MYCBPAP: variants seen among roughly 807,000 people sequenced by gnomAD.
MYCBPAP encodes the protein MYCBP-associated protein.
In MYCBPAP, 60 loss-of-function variants were observed where a neutral mutation model predicts 106.1. The observed-to-expected ratio is 0.57, with a 90% CI of 0.46 to 0.70. The LOEUF (loss-of-function observed/expected upper bound fraction) is 0.70. Ranked by LOEUF, MYCBPAP falls within the 30% of genes least tolerant of loss-of-function variation. MYCBPAP has a pLI of 0.00. For missense variants in MYCBPAP, 1,064 were observed against 1,169.3 expected (o/e 0.91, Z 1.31); for synonymous variants, 407 against 440.6 (o/e 0.92, Z 0.95).
intron 18 of MYCBPAP, chr17:50,530,259 C>G (rs1248360549): frequency 2.5e-6 from 1 of 404,496 alleles, no homozygotes; most frequent in Admixed American, 3.1e-5. Flanking sequence ...TTTGGGAGGC[C>G]AAGGTGGGCA....
intron 1 of MYCBPAP, chr17:50,509,710 G>A (rs2033755188): frequency 6.4e-6 from 1 of 156,438 alleles, no homozygotes; most frequent in South Asian, 1.9e-4. Flanking sequence ...TTTGTTTACT[G>A]AGAGCTGATT....
chr17:50,517,369 C>A lies in MYCBPAP; in HGVS notation c.281C>A (p.Pro94His). ...TQKFIIRKLK[P>H]MDPRRKVCHL... ...AAATTTATCATCCGTAAACTCAAAC[C>A]CATGGATCCTAGGAGGAAGGTCTGC... Residue 94 changes from proline to histidine, a missense_variant, in exon 3 of 19, where the codon CCC becomes CAC. By Grantham distance (77) the Pro-to-His change is moderately conservative. Transcript: ENST00000323776. 6.2e-7 allele frequency: 1 copy of A among 1,614,102 alleles called. No individual in the cohort carries two copies. The highest frequency in any genetic ancestry group is 8.5e-7 in the Non-Finnish European group (1 of 1,180,014).
At chr17:50,518,428 G>T in intron 4 of MYCBPAP, 113 bp from the exon 5 acceptor site, 1 of 879,932 alleles carries the variant, frequency 1.1e-6, no homozygotes, top group Non-Finnish European at 1.7e-6. Flanking sequence ...CTGAAGAGGA[G>T]GGACTCTCAG....
chr17:50,519,138 AGGGGGC>A, intron 6 of MYCBPAP, 49 bp downstream of exon 6: 4 of 467,632 alleles, frequency 8.6e-6, no homozygotes, highest in Middle Eastern at 4.0e-4. Context: ...TCCATGGAGG[AGGGGGC>A]GGGGGCAGGT....
At chr17:50,521,282 G>T (rs1391349368) in intron 8 of MYCBPAP, 34 bp from the exon 9 acceptor site, 21 of 1,593,376 alleles carry the variant, frequency 1.3e-5, no homozygotes, top group Admixed American at 3.5e-5. Flanking sequence ...CCTGTCTTCA[G>T]TCAGCTCATC....
rs769487458 is a variant in MYCBPAP at position 50,517,665 on chromosome 17, T to C, written c.435T>C (p.Phe145=). 1.2e-6 allele frequency: 2 copies of C among 1,614,212 alleles called. No homozygotes were observed. Among genetic ancestry groups the C allele is most frequent in the South Asian group, 1.1e-5 (1 of 91,082 alleles). The change falls in exon 4 of 19, where the codon TTT becomes TTC. Residue 145 remains phenylalanine, a synonymous_variant. Coordinates refer to ENST00000323776, the MANE Select transcript of MYCBPAP (RefSeq NM_032133.6). ...PHHILGSLQD[F]KRIALARGNT... The stretch of plus-strand genomic sequence containing the variant: ...ACATCTTGGGGAGTCTCCAGGATTT[T>C]AAGAGAATTGCACTTGCTCGAGGGA...
At chr17:50,516,793 A>G (rs1421140215) in intron 2 of MYCBPAP, 96 bp downstream of exon 2, 5 of 1,410,434 alleles carry the variant, frequency 3.5e-6, no homozygotes, top group Middle Eastern at 1.8e-4. Flanking sequence ...ACTCATGGGG[A>G]GTGTCTAACT....
At chr17:50,514,482 C>G (rs1394742117) in intron 1 of MYCBPAP, among the ~76,000 whole-genome samples, 1 of 152,086 alleles carries the variant, frequency 6.6e-6, no homozygotes, top group African/African-American at 2.4e-5. Context: ...GGTTGACCAG[C>G]CAGAGAAATG....
In MYCBPAP at chr17:50,530,922, AG is replaced by A. The variant is rs1434082638; in HGVS notation, c.2725-403del. ...GTTTGAAAAGTAAAACTGCAAAAGC[AG>A]GTGGATTGCTTGAGCCCAGGAGTTC... is the stretch of plus-strand genomic sequence containing the variant. On this transcript the variant is annotated intron_variant, in intron 18 of 18. Transcript: ENST00000323776. Among the ~76,000 whole-genome samples, 4 of 152,128 alleles carry A rather than the reference AG, an allele frequency of 2.6e-5. No individual in the cohort carries two copies. In the East Asian group the frequency reaches 7.7e-4, roughly 29 times the overall value.
chr17:50,525,659 C>CTTTTTTTTTT (rs112712266), intron 13 of MYCBPAP, among the ~76,000 whole-genome samples: 1 of 131,364 alleles, frequency 7.6e-6, no homozygotes, highest in South Asian at 2.4e-4. Context: ...GCTAATTTCT[C>CTTTTTTTTTT]TTTTTTTTTT....
Position 50,522,968 on chromosome 17 carries a change from C to T in MYCBPAP, c.1287C>T (p.Thr429=). Residue 429 remains threonine (T), a synonymous_variant, in exon 11 of 19, where the codon ACC becomes ACT. Coordinates refer to ENST00000323776, the MANE Select transcript of MYCBPAP (RefSeq NM_032133.6). The stretch of plus-strand genomic sequence containing the variant: ...AGGTTGGGATTGCTGCTCACTTGAC[C>T]TTTGAAACCCTAGAAGGCGAGAAAA... ...KRQVGIAAHL[T]FETLEGEKTS... 6.2e-7 allele frequency: 1 copy of T among 1,612,772 alleles called. No homozygotes were observed. Among genetic ancestry groups the T allele is most frequent in the Non-Finnish European group, 8.5e-7 (1 of 1,179,018 alleles).
At chr17:50,510,499 G>GTATATATATATATATATA (rs3063016) in intron 1 of MYCBPAP, 2 of 76,414 alleles carry the variant, frequency 2.6e-5, no homozygotes, top group Non-Finnish European at 5.2e-5. Context: ...GTGTGTGTGT[G>GTATATATATATATATATA]TATATATATA....
At chr17:50,527,834 C>G (rs1212826054) in intron 15 of MYCBPAP, among the ~76,000 whole-genome samples, 2 of 152,178 alleles carry the variant, frequency 1.3e-5, no homozygotes, top group Admixed American at 6.5e-5. Flanking sequence ...CTGGAAGTCT[C>G]ATGCAAGGTT....
At chr17:50,514,961 C>T (rs1421155704) in intron 1 of MYCBPAP, 2 of 438,146 alleles carry the variant, frequency 4.6e-6, no homozygotes, top group East Asian at 7.5e-5. Flanking sequence ...TAAGCCTTCA[C>T]ATGGCTCACT....
intron 18 of MYCBPAP, 120 bp downstream of exon 18, chr17:50,529,308 G>C (rs2144005680): frequency 1.1e-6 from 1 of 925,922 alleles, no homozygotes; most frequent in East Asian, 2.6e-5. Flanking sequence ...TTCAGGAAGG[G>C]CATCCTCGTG....
At chr17:50,525,845 C>A in intron 13 of MYCBPAP, 36 bp from the exon 14 acceptor site, 1 of 1,548,298 alleles carries the variant, frequency 6.5e-7, no homozygotes, top group Non-Finnish European at 8.6e-7. Context: ...TGCACCCCAG[C>A]CTCCCCCTCA....
chr17:50,523,040 G>A lies in MYCBPAP; in HGVS notation c.1359G>A (p.Trp453Ter), dbSNP rs1480734754. 5 of 1,614,080 alleles carry A rather than the reference G, an allele frequency of 3.1e-6. No homozygotes were observed. Among genetic ancestry groups the A allele is most frequent in the Non-Finnish European group, 4.2e-6 (5 of 1,180,018 alleles). ...TVVNNGTVAI[W>*]YDWRRQHQPD... ...TCAATAATGGCACCGTGGCCATTTG[G>A]TATGACTGGCGACGGCAGCACCAGC... The change falls in exon 11 of 19, where the codon TGG becomes TGA. Residue 453 changes from tryptophan (W) to a stop codon, truncating the protein, a stop_gained. Coordinates refer to ENST00000323776, the MANE Select transcript of MYCBPAP (RefSeq NM_032133.6). LOFTEE classifies it high-confidence loss of function.
At chr17:50,519,598 G>A (rs1378557866) in intron 6 of MYCBPAP, 42 bp from the exon 7 acceptor site, 1 of 1,610,906 alleles carries the variant, frequency 6.2e-7, no homozygotes, top group Non-Finnish European at 8.5e-7. Flanking sequence ...GCATCTGGCT[G>A]AGGTGTCCTG....
intron 4 of MYCBPAP, 133 bp from the exon 5 acceptor site, chr17:50,518,408 C>A: frequency 2.9e-6 from 2 of 696,946 alleles, no homozygotes; most frequent in African/African-American, 1.8e-5. Flanking sequence ...TCACTGGCTA[C>A]TCTGGAGTCC....
Sources: allele counts gnomAD v4.1 joint callset (sites outside exome capture counted in the v4.1 genomes callset), GRCh38; gene constraint gnomAD v4.1.1; transcripts MANE v1.5; gene names NCBI Gene and HGNC (gene_info 2026-07-23, HGNC 2026-07-21).